The following HDGF variants were observed in gnomAD, a reference collection of about 807,000 sequenced individuals.
HDGF encodes the protein heparin binding growth factor.
A neutral mutation model predicts 30.0 loss-of-function variants in HDGF; 5 were observed. The ratio of observed to expected loss-of-function variants is 0.17; its 90% CI spans 0.09 to 0.35. The LOEUF is 0.35. Among genes scored for constraint, HDGF ranks in the 10% least tolerant of loss-of-function variants. The pLI is 1.00. For synonymous variants in HDGF, 133 were observed against 112.7 expected (o/e 1.18, Z -1.14); for missense variants, 214 against 302.8 (o/e 0.71, Z 2.18).
At chr1:156,765,422 TTTC>T (rs1394827729) in intron 1 of HDGF, among the ~76,000 whole-genome samples, 2 of 140,452 alleles carry the variant, frequency 1.4e-5, no homozygotes, top group Non-Finnish European at 3.1e-5. Context: ...TCTTTCTTTC[TTTC>T]TCTTTCTTTC....
At chr1:156,744,712 T>A (rs1358234868) in intron 3 of HDGF, 1 of 560,534 alleles carries the variant, frequency 1.8e-6, no homozygotes, top group African/African-American at 2.1e-5. Flanking sequence ...GTGGAAAGAG[T>A]TAAGGCTGTG....
chr1:156,756,703 T>C (rs1294645679), upstream of HDGF, among the ~76,000 whole-genome samples: 1 of 152,204 alleles, frequency 6.6e-6, no homozygotes, highest in East Asian at 1.9e-4. Context: ...ATTGTAGTAT[T>C]AGCTATTTTT....
intron 1 of HDGF, among the ~76,000 whole-genome samples, chr1:156,763,734 C>A (rs548400669): frequency 1.3e-5 from 2 of 149,318 alleles, no homozygotes; most frequent in Admixed American, 1.3e-4. Context: ...TACAGGTGCA[C>A]GCCACCACGC....
rs1650985074 is a variant in HDGF at position 156,751,617 on chromosome 1, G to A, written c.-188C>T. ...CGCGCGCCGCACGGACGGGGCGGGC[G>A]CGGATCGGGGCAAGGCTCCGGCGCG... On this transcript the variant is annotated 5_prime_UTR_variant, in exon 1 of 6. Coordinates refer to ENST00000357325, the MANE Select transcript of HDGF (RefSeq NM_004494.3). This position sits in a 1 kb window ranked among gnomAD's most constrained non-coding sequence, Gnocchi z 4.7. 4.1e-6 allele frequency: 4 copies of A among 984,998 alleles called. No homozygotes were observed. The highest frequency in any genetic ancestry group is 3.6e-6 in the Non-Finnish European group (3 of 830,468). 61.0% of individuals were successfully genotyped at this position (984,998 alleles called of 1,614,324 possible). A position where few individuals can be genotyped will look rare whatever the true frequency, so the allele number is the denominator to read the frequency against.
At chr1:156,747,010 T>C (rs919594708) in intron 1 of HDGF, among the ~76,000 whole-genome samples, 4 of 151,826 alleles carry the variant, frequency 2.6e-5, no homozygotes, top group East Asian at 1.9e-4. Context: ...CTTCAGGCTT[T>C]TGGGCACCTC....
At chr1:156,754,549 CA>C (rs1254718492), upstream of HDGF, among the ~76,000 whole-genome samples, 1 of 152,250 alleles carries the variant, frequency 6.6e-6, no homozygotes, top group Non-Finnish European at 1.5e-5. Flanking sequence ...GTCAGTTACA[CA>C]GGCGGGCATA....
intron 1 of HDGF, among the ~76,000 whole-genome samples, chr1:156,747,115 C>A (rs1650608786): frequency 6.6e-6 from 1 of 151,840 alleles, no homozygotes; most frequent in African/African-American, 2.4e-5. Flanking sequence ...CCAGGAGACG[C>A]TGGGTGTGAG....
chr1:156,751,367 C>T lies in HDGF; in HGVS notation c.63G>A (p.Lys21=), dbSNP rs531956693. 44 of 1,609,968 alleles carry T rather than the reference C, an allele frequency of 2.7e-5. No homozygotes were observed. The Admixed American group carries it at 3.3e-4, about 12-fold the overall frequency. Residue 21 remains lysine, a synonymous_variant, in exon 1 of 6, where the codon AAG becomes AAA. Transcript: ENST00000357325. This position sits in a 1 kb window ranked among gnomAD's most constrained non-coding sequence, Gnocchi z 4.7. The part of the protein sequence containing the change: ...KCGDLVFAKM[K]GYPHWPARID... ...CCCGGGCCGGCCAGTGTGGGTAGCC[C>T]TTCATCTTGGCGAACACCAGGTCCC...
At chr1:156,752,295 A>T (rs1442017296), upstream of HDGF, 1 of 1,551,662 alleles carries the variant, frequency 6.4e-7, no homozygotes, top group Non-Finnish European at 8.7e-7. Context: ...TAAGGAGGAA[A>T]CGCTTGAGTT....
At chr1:156,763,271 G>T (rs1251882258) in intron 1 of HDGF, among the ~76,000 whole-genome samples, 1 of 151,512 alleles carries the variant, frequency 6.6e-6, no homozygotes, top group Non-Finnish European at 1.5e-5. Context: ...GGACTGCAGT[G>T]GCGCGATCTC....
At chr1:156,745,492 C>T (rs1298391132) in intron 1 of HDGF, 119 bp from the exon 2 acceptor site, 4 of 792,580 alleles carry the variant, frequency 5.0e-6, no homozygotes, top group Non-Finnish European at 6.1e-6. Flanking sequence ...CCAGGATAGT[C>T]AGCAAGATGG....
chr1:156,748,279 C>T (rs571856402), intron 1 of HDGF, among the ~76,000 whole-genome samples: 1 of 152,262 alleles, frequency 6.6e-6, no homozygotes, highest in South Asian at 2.1e-4. Flanking sequence ...AAGAAAATGT[C>T]CTTTCTTACA....
At chr1:156,764,233 T>A (rs767103866) in intron 1 of HDGF, among the ~76,000 whole-genome samples, 40 of 151,602 alleles carry the variant, frequency 2.6e-4, no homozygotes, top group Non-Finnish European at 5.4e-4. Context: ...TTTCTTTTTT[T>A]TTCTTTTCTT....
At chr1:156,745,849 CTT>C (rs1388781586) in intron 1 of HDGF, among the ~76,000 whole-genome samples, 1 of 152,196 alleles carries the variant, frequency 6.6e-6, no homozygotes, top group African/African-American at 2.4e-5. Flanking sequence ...ACTTGTATGA[CTT>C]TGTGCAACTT....
At chr1:156,748,931 G>A (rs1650782756) in intron 1 of HDGF, among the ~76,000 whole-genome samples, 1 of 152,218 alleles carries the variant, frequency 6.6e-6, no homozygotes, top group African/African-American at 2.4e-5. Flanking sequence ...TGAGGTCCTG[G>A]CTGCCCAGGT....
At chr1:156,765,970 A>G (rs1651363602) in intron 1 of HDGF, among the ~76,000 whole-genome samples, 1 of 152,216 alleles carries the variant, frequency 6.6e-6, no homozygotes, top group Non-Finnish European at 1.5e-5. Context: ...TTTGCAACTA[A>G]CTGAGTAGTT....
chr1:156,759,849 C>T (rs1433667268), intron 1 of HDGF, among the ~76,000 whole-genome samples: 2 of 152,136 alleles, frequency 1.3e-5, no homozygotes, highest in Non-Finnish European at 2.9e-5. Flanking sequence ...ACTTGCATCC[C>T]AGGACTAGAA....
At chr1:156,752,207 C>T, upstream of HDGF, 1 of 1,551,820 alleles carries the variant, frequency 6.4e-7, no homozygotes, top group South Asian at 1.2e-5. Flanking sequence ...CTGGGGTCCT[C>T]TCTGGACCTC....
chr1:156,751,842 G>A, upstream of HDGF: 1 of 979,226 alleles, frequency 1.0e-6, no homozygotes, highest in Non-Finnish European at 1.4e-6. This position sits in a 1 kb window ranked among gnomAD's most constrained non-coding sequence, Gnocchi z 4.7. Context: ...TGACGCCCAG[G>A]GCCTGCCACG....
Sources: gnomAD v4.1 joint callset for allele counts (sites outside exome capture counted in the v4.1 genomes callset) on GRCh38, gnomAD v4.1.1 for gene constraint, Gnocchi (gnomAD v3.1) non-coding constraint, MANE v1.5 for transcripts, NCBI Gene and HGNC (gene_info 2026-07-23, HGNC 2026-07-21) for gene names.